Variants in ZFP91 observed in about 807,000 individuals in gnomAD.
The protein encoded by ZFP91 is E3 ubiquitin-protein ligase ZFP91.
A neutral mutation model predicts 63.5 loss-of-function variants in ZFP91; 7 were observed. That is an observed-to-expected ratio of 0.11 (90% CI 0.06 to 0.21). The LOEUF is 0.21. Among genes scored for constraint, ZFP91 ranks in the 10% least tolerant of loss-of-function variants. The pLI is 1.00. For synonymous variants in ZFP91, 330 were observed against 272.1 expected (o/e 1.21, Z -2.10); for missense variants, 628 against 736.6 (o/e 0.85, Z 1.71).
chr11:58,591,479 C>T (rs988055179), intron 2 of ZFP91, among the ~76,000 whole-genome samples: 5 of 151,468 alleles, frequency 3.3e-5, no homozygotes, highest in African/African-American at 9.7e-5. Context: ...TCACCCATTT[C>T]AAATGTACAA....
At position 58,618,040 on chromosome 11, in the gene ZFP91, A is replaced by T; in HGVS notation, c.*334A>T. The T allele has an allele frequency of 4.5e-6, 1 of 222,088 alleles. No homozygotes were observed. 13.8% of individuals were successfully genotyped at this position (222,088 alleles called of 1,614,324 possible). ...CGGCAGATCCCCCTTTCCAACCTGT[A>T]ACTCTGATGTGCTCTGGATCAGCTT... On this transcript the variant is annotated 3_prime_UTR_variant, in exon 11 of 11. Transcript: ENST00000316059.
At chr11:58,610,892 TC>T in intron 4 of ZFP91, 57 bp from the exon 5 acceptor site, 1 of 1,493,648 alleles carries the variant, frequency 6.7e-7, no homozygotes, top group African/African-American at 1.4e-5. Flanking sequence ...CCAAATAAAA[TC>T]CCCTCAGACA....
chr11:58,610,051 C>G lies in ZFP91; in HGVS notation c.580+12C>G, dbSNP rs1446012686. On this transcript the variant is annotated intron_variant, in intron 3 of 10. Coordinates refer to ENST00000316059, the MANE Select transcript of ZFP91 (RefSeq NM_053023.5). ...CCAACTTGATTATGGTACAGTGCAA[C>G]TAGAATATGGCTGTTTACTAACTAG... is the stretch of plus-strand genomic sequence containing the variant. 1 of 1,613,480 alleles carries G rather than the reference C, an allele frequency of 6.2e-7. No homozygotes were observed. Among genetic ancestry groups the G allele is most frequent in the Non-Finnish European group, 8.5e-7 (1 of 1,179,464 alleles).
At chr11:58,580,339 C>T (rs1015280024) in intron 1 of ZFP91, among the ~76,000 whole-genome samples, 1 of 152,138 alleles carries the variant, frequency 6.6e-6, no homozygotes, top group Non-Finnish European at 1.5e-5. Context: ...AGAGGAATTC[C>T]TTTATTACCT....
chr11:58,614,584 CATTT>C (rs1461406399), intron 9 of ZFP91, among the ~76,000 whole-genome samples: 1 of 152,142 alleles, frequency 6.6e-6, no homozygotes, highest in African/African-American at 2.4e-5. Context: ...TTCTATTGAG[CATTT>C]ATTCTGTATC....
At position 58,611,700 on chromosome 11, in the gene ZFP91, G is replaced by A. The variant is rs778866531; in HGVS notation, c.819G>A (p.Glu273=). Residue 273 remains glutamate (E), a synonymous_variant, in exon 6 of 11, where the codon GAG becomes GAA. Transcript: ENST00000316059. ...AAGTAGAGGTGGAGGTGAAAGAAGA[G>A]GAGAATGAAATTAGAGAGGATGAGG... ...KVEVEVEVKE[E]ENEIREDEEP... is the part of the protein sequence containing the mutation. 14 of 1,611,520 alleles carry A rather than the reference G, an allele frequency of 8.7e-6. No homozygotes were observed. Among genetic ancestry groups the A allele is most frequent in the Non-Finnish European group, 1.1e-5 (13 of 1,178,710 alleles).
chr11:58,583,596 A>G (rs1855154948), intron 1 of ZFP91, among the ~76,000 whole-genome samples: 1 of 152,064 alleles, frequency 6.6e-6, no homozygotes, highest in Non-Finnish European at 1.5e-5. Flanking sequence ...GATGATAGAA[A>G]CATTGAACCA....
At chr11:58,583,517 T>TTA (rs1229044740) in intron 1 of ZFP91, among the ~76,000 whole-genome samples, 1 of 151,232 alleles carries the variant, frequency 6.6e-6, no homozygotes, top group Non-Finnish European at 1.5e-5. Context: ...TTGAAAAAAC[T>TTA]TACAGTTCTT....
intron 2 of ZFP91, among the ~76,000 whole-genome samples, chr11:58,588,609 T>C (rs1855251059): frequency 6.6e-6 from 1 of 152,178 alleles, no homozygotes; most frequent in African/African-American, 2.4e-5. Context: ...TCGTATCCTC[T>C]CAAATCAGTC....
intron 1 of ZFP91, 48 bp downstream of exon 1, chr11:58,579,670 A>AC: frequency 1.4e-6 from 2 of 1,470,862 alleles, no homozygotes; most frequent in Non-Finnish European, 1.8e-6. Flanking sequence ...CTCTGTCCGT[A>AC]CGCAACCCTC....
intron 5 of ZFP91, 124 bp from the exon 6 acceptor site, chr11:58,611,480 C>A: frequency 8.0e-7 from 1 of 1,245,506 alleles, no homozygotes; most frequent in Non-Finnish European, 1.1e-6. Context: ...TAGGAAATCA[C>A]ATTTCATGAA....
At chr11:58,606,131 G>T (rs562543088) in intron 2 of ZFP91, among the ~76,000 whole-genome samples, 2 of 151,776 alleles carry the variant, frequency 1.3e-5, no homozygotes. Flanking sequence ...GTGTTATCTC[G>T]GCTCACTGCA....
chr11:58,602,148 C>A (rs1296848165), intron 2 of ZFP91, among the ~76,000 whole-genome samples: 1 of 152,190 alleles, frequency 6.6e-6, no homozygotes, highest in East Asian at 1.9e-4. Flanking sequence ...ATCTCAAACT[C>A]CTGACCTCAG....
At chr11:58,611,123 ATTT>A (rs777543700) in intron 5 of ZFP91, 69 bp downstream of exon 5, 1 of 1,403,276 alleles carries the variant, frequency 7.1e-7, no homozygotes, top group East Asian at 2.3e-5. Flanking sequence ...GCATGCTTTT[ATTT>A]TATCTGTTGC....
intron 1 of ZFP91, 55 bp downstream of exon 1, chr11:58,579,677 C>CCT (rs1247127422): frequency 6.9e-7 from 1 of 1,439,892 alleles, no homozygotes; most frequent in East Asian, 2.7e-5. Context: ...CGTACGCAAC[C>CCT]CTCTCGGCTC....
chr11:58,605,043 G>A (rs1030226577), intron 2 of ZFP91, among the ~76,000 whole-genome samples: 4 of 151,964 alleles, frequency 2.6e-5, no homozygotes, highest in African/African-American at 9.7e-5. Context: ...GTATTTCCTT[G>A]TGTTGCAGAT....
At chr11:58,582,904 T>G (rs564387002) in intron 1 of ZFP91, among the ~76,000 whole-genome samples, 27 of 152,258 alleles carry the variant, frequency 1.8e-4, no homozygotes, top group Admixed American at 1.6e-3. Flanking sequence ...AGTTAAATGC[T>G]AGAATCATGA....
At chr11:58,595,164 T>TC (rs1294084583) in intron 2 of ZFP91, among the ~76,000 whole-genome samples, 1 of 152,228 alleles carries the variant, frequency 6.6e-6, no homozygotes, top group Non-Finnish European at 1.5e-5. Flanking sequence ...CTTGGTTTCT[T>TC]CATCTATGAA....
intron 6 of ZFP91, 45 bp downstream of exon 6, chr11:58,611,783 C>T (rs200768181): frequency 8.4e-6 from 13 of 1,555,444 alleles, no homozygotes; most frequent in South Asian, 2.5e-5. Flanking sequence ...AGATTTTGAA[C>T]GACTAGTGGA....
Sources: gnomAD v4.1 joint callset for allele counts (sites outside exome capture counted in the v4.1 genomes callset) on GRCh38, gnomAD v4.1.1 for gene constraint, MANE v1.5 for transcripts, NCBI Gene and HGNC (gene_info 2026-07-23, HGNC 2026-07-21) for gene names.